The following DYSF variants were observed in gnomAD, a reference collection of about 807,000 sequenced individuals.
The protein encoded by DYSF is dysferlin.
A neutral mutation model predicts 274.9 loss-of-function variants in DYSF; 212 were observed. The ratio of observed to expected loss-of-function variants is 0.77; its 90% CI spans 0.69 to 0.86. DYSF has a LOEUF of 0.86. Among genes scored for constraint, DYSF ranks in the 40% least tolerant of loss-of-function variants. The pLI is 0.00. For missense variants in DYSF, 2,666 were observed against 2,783.2 expected, an observed-to-expected ratio of 0.96 and a Z score of 0.95; for synonymous variants, 1,091 against 1,078.7, an observed-to-expected ratio of 1.01 and a Z score of -0.22.
intron 32 of DYSF, among the ~76,000 whole-genome samples, chr2:71,593,369 G>A (rs1299953623): frequency 6.6e-6 from 1 of 152,120 alleles, no homozygotes; most frequent in Non-Finnish European, 1.5e-5. Flanking sequence ...GACCTCAGGC[G>A]ATTCACCCGC....
rs868723468 is a variant in DYSF, at chr2:71,615,664, G to T, written c.4464+2254G>T. Among the ~76,000 whole-genome samples, 1 of 152,160 alleles carries T rather than the reference G, an allele frequency of 6.6e-6. No individual in the cohort carries two copies. Among genetic ancestry groups the T allele is most frequent in the Non-Finnish European group, 1.5e-5 (1 of 68,038 alleles). On this transcript the variant is annotated intron_variant, in intron 40 of 55. Coordinates refer to ENST00000410020, the MANE Select transcript of DYSF (RefSeq NM_001130987.2). The surrounding 1 kb of genome is among the most constrained non-coding windows in gnomAD (Gnocchi z 4.9). ...GTCCCTGGCACTCTGAAGGACAGGCGCTCCAAGGCCAACCCAGGAGGCAGC... is the reference window on the plus strand; with the variant it reads ...GTCCCTGGCACTCTGAAGGACAGGCTCTCCAAGGCCAACCCAGGAGGCAGC...
At chr2:71,685,369 G>T (rs998164388) in intron 55 of DYSF, among the ~76,000 whole-genome samples, 2 of 152,226 alleles carry the variant, frequency 1.3e-5, no homozygotes, top group Non-Finnish European at 2.9e-5. Context: ...AGGGATGAAG[G>T]GGGTGGCCTG....
intron 14 of DYSF, among the ~76,000 whole-genome samples, chr2:71,534,480 T>G (rs1573805132): frequency 6.6e-6 from 1 of 152,280 alleles, no homozygotes; most frequent in South Asian, 2.1e-4. Context: ...AGGACAGGGC[T>G]GGTTGGAGGC....
At chr2:71,618,996 C>T (rs1574404697) in intron 40 of DYSF, among the ~76,000 whole-genome samples, 2 of 152,092 alleles carry the variant, frequency 1.3e-5, no homozygotes, top group South Asian at 2.1e-4. Context: ...AAGGTGGGAA[C>T]GTGCTCCCAG....
At position 71,669,200 on chromosome 2, in the gene DYSF, G is replaced by A. The variant is rs886042880; in HGVS notation, c.5635G>A (p.Val1879Met). ...GGGGGAGAAGATGAGCGACATTTAT[G>A]TGAAAGGGTAGGGAGCCAGCGTCCT... ...LTGEKMSDIY[V>M]KGWMIGFEEH... Residue 1879 changes from valine to methionine, a missense_variant, in exon 50 of 56, where the codon GTG becomes ATG. By Grantham distance (21) the Val-to-Met change is conservative. Transcript: ENST00000410020. 2.5e-6 allele frequency: 4 copies of A among 1,606,204 alleles called. No homozygotes were observed. The highest frequency in any genetic ancestry group is 2.2e-5 in the South Asian group (2 of 89,002).
chr2:71,636,251 C>T (rs2094400466), intron 41 of DYSF, among the ~76,000 whole-genome samples: 1 of 152,144 alleles, frequency 6.6e-6, no homozygotes, highest in Admixed American at 6.5e-5. Flanking sequence ...CAGAGGGTGA[C>T]AAGATCCGAT....
intron 36 of DYSF, among the ~76,000 whole-genome samples, chr2:71,609,245 C>T (rs2093703114): frequency 6.6e-6 from 1 of 152,360 alleles, no homozygotes; most frequent in East Asian, 1.9e-4. Context: ...TGCACTGCAG[C>T]AGCCCTGTCC....
intron 12 of DYSF, among the ~76,000 whole-genome samples, chr2:71,522,944 A>ACC (rs2087460745): frequency 3.9e-5 from 6 of 151,962 alleles, no homozygotes; most frequent in African/African-American, 7.3e-5. Context: ...CCATCCCAAG[A>ACC]CAGGAGTTTG....
intron 12 of DYSF, among the ~76,000 whole-genome samples, chr2:71,523,879 G>T (rs1302089592): frequency 1.3e-5 from 2 of 152,072 alleles, no homozygotes; most frequent in Non-Finnish European, 2.9e-5. Context: ...GTAGAATCAC[G>T]CGTGTCTCCT....
At chr2:71,656,026 TCTTCTCTCTTC>T (rs777024545) in intron 42 of DYSF, 125 bp from the exon 43 acceptor site, 12 of 1,206,560 alleles carry the variant, frequency 9.9e-6, no homozygotes, top group East Asian at 2.4e-5. Context: ...CTCCTTTTCT[TCTTCTCTCTTC>T]CTTCTCTCTC....
chr2:71,503,897 C>T (rs1209663411), intron 4 of DYSF, among the ~76,000 whole-genome samples: 1 of 152,170 alleles, frequency 6.6e-6, no homozygotes, highest in African/African-American at 2.4e-5. Flanking sequence ...CTAAATATAC[C>T]CTGTAGGGTT....
chr2:71,462,153 C>A (rs576138772), upstream of DYSF, among the ~76,000 whole-genome samples: 11 of 152,230 alleles, frequency 7.2e-5, no homozygotes, highest in Admixed American at 5.2e-4. Flanking sequence ...CCTGATCCCA[C>A]GCCTGCGAAG....
At chr2:71,490,061 A>C (rs1003826162) in intron 3 of DYSF, among the ~76,000 whole-genome samples, 40 of 152,274 alleles carry the variant, frequency 2.6e-4, no homozygotes, top group African/African-American at 9.1e-4. Context: ...TACGTAAACC[A>C]CACAAACATG....
intron 17 of DYSF, among the ~76,000 whole-genome samples, chr2:71,546,796 G>A (rs1487143405): frequency 1.3e-5 from 2 of 152,238 alleles, no homozygotes; most frequent in African/African-American, 2.4e-5. Context: ...CTTGCCTGGC[G>A]CAAGCGAGAG....
intron 17 of DYSF, among the ~76,000 whole-genome samples, chr2:71,545,138 A>G (rs1333534693): frequency 2.6e-5 from 4 of 152,232 alleles, no homozygotes; most frequent in Non-Finnish European, 4.4e-5. Context: ...AGCCACCGGC[A>G]CGTGAGGAGT....
rs567949125 is a variant in DYSF, at chr2:71,636,381, C to T, written c.4528-7584C>T. 9.9e-5 allele frequency among the ~76,000 whole-genome samples: 15 copies of T among 151,978 alleles called. No homozygotes were observed. The South Asian group carries it at 1.2e-3, about 13-fold the overall frequency. On this transcript the variant is annotated intron_variant, in intron 41 of 55. Coordinates refer to ENST00000410020, the MANE Select transcript of DYSF (RefSeq NM_001130987.2). Reference sequence around the variant, plus strand: ...ATGGGATGATGGGGCTGGACTGGGGCGGTAGTGACAGAGTGGTCTGGTTCT... The same window carrying T: ...ATGGGATGATGGGGCTGGACTGGGGTGGTAGTGACAGAGTGGTCTGGTTCT...
chr2:71,502,490 C>T (rs2085077620), intron 3 of DYSF, among the ~76,000 whole-genome samples: 1 of 152,144 alleles, frequency 6.6e-6, no homozygotes, highest in Non-Finnish European at 1.5e-5. Flanking sequence ...CCTGCTGCCT[C>T]TACAGAGGGG....
intron 1 of DYSF, among the ~76,000 whole-genome samples, chr2:71,477,673 A>G (rs2082500507): frequency 6.6e-6 from 1 of 152,248 alleles, no homozygotes; most frequent in Non-Finnish European, 1.5e-5. Context: ...TTACAGAATC[A>G]TACGTGGGTG....
intron 3 of DYSF, among the ~76,000 whole-genome samples, chr2:71,489,480 C>T (rs2083633415): frequency 6.6e-6 from 1 of 152,232 alleles, no homozygotes; most frequent in Non-Finnish European, 1.5e-5. Context: ...TATCTTCTTC[C>T]TGACATAGGG....
Sources: gnomAD v4.1 joint callset for allele counts (sites outside exome capture counted in the v4.1 genomes callset) on GRCh38, gnomAD v4.1.1 for gene constraint, Gnocchi (gnomAD v3.1) non-coding constraint, MANE v1.5 for transcripts, NCBI Gene and HGNC (gene_info 2026-07-23, HGNC 2026-07-21) for gene names.